PXDN: variants seen among roughly 807,000 people sequenced by gnomAD.
The protein encoded by PXDN is peroxidasin, also known as peroxidasin homolog.
A neutral mutation model predicts 140.3 loss-of-function variants in PXDN; 77 were observed. The observed-to-expected ratio is 0.55, with a 90% CI of 0.46 to 0.66. The LOEUF is 0.66. PXDN is among the 30% of genes least tolerant of loss of function. PXDN has a pLI of 0.00. For missense variants in PXDN, 1,838 were observed against 2,039.5 expected (o/e 0.90, Z 1.90); for synonymous variants, 911 against 857.4 (o/e 1.06, Z -1.09).
rs1457099781 is a variant in PXDN at position 1,663,653 on chromosome 2, T to C, written c.1519A>G (p.Ile507Val). Residue 507 changes from isoleucine (I) to valine (V), a missense_variant, in exon 12 of 23, where the codon ATC becomes GTC. Ile to Val is a conservative substitution (Grantham distance 29). Around this residue, in one of 5 missense-constraint regions of PXDN, gnomAD observed 537 missense variants for 583.9 expected, o/e 0.92. Transcript: ENST00000252804. ...QGQYECQAVN[I>V]IGSQKVVAHL... ...GCCACGACCTTCTGGGAGCCGATGA[T>C]GTTGACAGCCTGGCATTCGTACTGG... 5 of 1,613,930 alleles carry C rather than the reference T, an allele frequency of 3.1e-6. No homozygotes were observed. Among genetic ancestry groups the C allele is most frequent in the East Asian group, 2.2e-5 (1 of 44,890 alleles).
At chr2:1,664,583 C>T (rs899798962) in intron 11 of PXDN, 16 of 197,010 alleles carry the variant, frequency 8.1e-5, no homozygotes, top group African/African-American at 3.7e-4. Flanking sequence ...ATATATTCCT[C>T]GACTGTTTCC....
At chr2:1,686,194 C>T (rs1445293247) in intron 4 of PXDN, among the ~76,000 whole-genome samples, 1 of 152,188 alleles carries the variant, frequency 6.6e-6, no homozygotes, top group African/African-American at 2.4e-5. Context: ...CTCGCTTATC[C>T]CCTCCCCAAC....
chr2:1,723,141 G>A (rs1394962430), intron 1 of PXDN, among the ~76,000 whole-genome samples: 2 of 152,144 alleles, frequency 1.3e-5, no homozygotes, highest in African/African-American at 4.8e-5. Flanking sequence ...TGGATACATT[G>A]ATGGATGGCT....
In PXDN at chr2:1,692,463, C is replaced by T. The variant is rs1041858761; in HGVS notation, c.273-464G>A. On this transcript the variant is annotated intron_variant, in intron 2 of 22. Transcript: ENST00000252804. ...GGGGTGAGAGACCCCGGGCCACTTG[C>T]CCTCCAGGGTCAACAGTGGATAGGC... 1.1e-5 allele frequency: 5 copies of T among 470,990 alleles called. No individual in the cohort carries two copies. In the Admixed American group the frequency reaches 1.2e-4, roughly 11 times the overall value. 29.2% of individuals were successfully genotyped at this position (470,990 alleles called of 1,614,324 possible). A position where few individuals can be genotyped will look rare whatever the true frequency, so the allele number is the denominator to read the frequency against.
intron 9 of PXDN, among the ~76,000 whole-genome samples, chr2:1,667,059 G>A (rs1683461064): frequency 6.6e-6 from 1 of 152,154 alleles, no homozygotes; most frequent in Non-Finnish European, 1.5e-5. Context: ...CCCACCTGCA[G>A]GGACGTGGCC....
At chr2:1,676,054 C>T (rs2125436572) in intron 8 of PXDN, among the ~76,000 whole-genome samples, 1 of 152,178 alleles carries the variant, frequency 6.6e-6, no homozygotes, top group East Asian at 1.9e-4. Context: ...TGCTCCACTC[C>T]AACTTAGGAC....
chr2:1,651,150 A>C lies in PXDN; in HGVS notation c.2105-1475T>G, dbSNP rs1011477658. Among the ~76,000 whole-genome samples the C allele has an allele frequency of 3.3e-5, 5 of 152,014 alleles. No homozygotes were observed. The highest frequency in any genetic ancestry group is 1.2e-4 in the African/African-American group (5 of 41,396). ...AACATCTGGCCCTATTTTCACAGCT[A>C]CTCTTGGGAAGTCCTACAGAATTAT... On this transcript the variant is annotated intron_variant, in intron 16 of 22. Coordinates refer to ENST00000252804, the MANE Select transcript of PXDN (RefSeq NM_012293.3). This position sits in a 1 kb window ranked among gnomAD's most constrained non-coding sequence, Gnocchi z 4.4.
At position 1,648,554 on chromosome 2, in the gene PXDN, G is replaced by A. The variant is rs774783896; in HGVS notation, c.3226C>T (p.Leu1076Phe). The change falls in exon 17 of 23, where the codon CTT becomes TTT. Residue 1076 changes from leucine (L) to phenylalanine (F), a missense_variant. Around this residue, in one of 5 missense-constraint regions of PXDN, gnomAD observed 850 missense variants for 894.1 expected, o/e 0.95. Transcript: ENST00000252804. This position sits in a 1 kb window ranked among gnomAD's most constrained non-coding sequence, Gnocchi z 8.9. ...ATAAFRFGHT[L>F]VNPLLYRLDE... ...AGCCGGTAAAGCAGTGGGTTGACAA[G>A]CGTGTGGCCAAACCTGAAGGCCGCG... 3 of 1,613,772 alleles carry A rather than the reference G, an allele frequency of 1.9e-6. No individual in the cohort carries two copies. Among genetic ancestry groups the A allele is most frequent in the Non-Finnish European group, 2.5e-6 (3 of 1,179,900 alleles).
At chr2:1,707,654 G>T (rs1384459603) in intron 1 of PXDN, among the ~76,000 whole-genome samples, 1 of 152,216 alleles carries the variant, frequency 6.6e-6, no homozygotes, top group African/African-American at 2.4e-5. Context: ...AGCTGTCAAA[G>T]ACGCAATAAC....
At chr2:1,738,674 G>A (rs982043668) in intron 1 of PXDN, among the ~76,000 whole-genome samples, 5 of 151,816 alleles carry the variant, frequency 3.3e-5, no homozygotes, top group South Asian at 2.1e-4. Flanking sequence ...TCAGCCTCCC[G>A]AGTAGCTGTG....
Position 1,648,295 on chromosome 2 carries a change from C to A in PXDN, c.3485G>T (p.Gly1162Val). 6.2e-7 allele frequency: 1 copy of A among 1,613,928 alleles called. No individual in the cohort carries two copies. Among genetic ancestry groups the A allele is most frequent in the Non-Finnish European group, 8.5e-7 (1 of 1,179,882 alleles). Residue 1162 changes from glycine to valine, a missense_variant, in exon 17 of 23, where the codon GGC (glycine) becomes GTC (valine). Transcript: ENST00000252804. This position sits in a 1 kb window ranked among gnomAD's most constrained non-coding sequence, Gnocchi z 8.9. ...GTAGGGTGGGATCCCGTGGTCCCGGCCCCGCTGGATGTTGATGGCCGCCAG... is the reference window on the plus strand; with the variant it reads ...GTAGGGTGGGATCCCGTGGTCCCGGACCCGCTGGATGTTGATGGCCGCCAG... ...LDLAAINIQR[G>V]RDHGIPPYHD...
At chr2:1,716,104 T>A (rs4853763) in intron 1 of PXDN, among the ~76,000 whole-genome samples, 10 of 152,142 alleles carry the variant, frequency 6.6e-5, no homozygotes, top group Admixed American at 6.5e-4. Context: ...CCTGGACAGA[T>A]GCCTGGGCCT....
chr2:1,699,242 T>C (rs72629191), intron 1 of PXDN, among the ~76,000 whole-genome samples: 11,547 of 152,270 alleles, frequency 0.076, 634 homozygotes, highest in East Asian at 0.3. Context: ...GACCACTTGG[T>C]AATGCTTAAT....
chr2:1,734,421 G>A (rs1349050571), intron 1 of PXDN, among the ~76,000 whole-genome samples: 2 of 152,182 alleles, frequency 1.3e-5, no homozygotes, highest in African/African-American at 4.8e-5. Flanking sequence ...TCAGGGTGGT[G>A]GCTGCTGAAG....
chr2:1,696,885 GGGCA>G (rs1184467650), intron 1 of PXDN, among the ~76,000 whole-genome samples: 1 of 152,144 alleles, frequency 6.6e-6, no homozygotes, highest in East Asian at 1.9e-4. Context: ...GACAAGCTCA[GGGCA>G]AGAAGACACC....
At chr2:1,642,289 A>G (rs1682746619) in intron 19 of PXDN, among the ~76,000 whole-genome samples, 1 of 152,186 alleles carries the variant, frequency 6.6e-6, no homozygotes, top group Non-Finnish European at 1.5e-5. Context: ...GCACTCTCTT[A>G]GAAGAAGCTG....
chr2:1,661,320 A>G (rs1383056330), intron 13 of PXDN, among the ~76,000 whole-genome samples: 4 of 152,206 alleles, frequency 2.6e-5, no homozygotes, highest in African/African-American at 9.6e-5. Context: ...AGAGGCACCA[A>G]TGATGGCTCC....
chr2:1,711,502 A>C (rs1300630264), intron 1 of PXDN, among the ~76,000 whole-genome samples: 2 of 61,634 alleles, frequency 3.2e-5, no homozygotes, highest in African/African-American at 8.5e-5. Flanking sequence ...ACCAGCACCC[A>C]CTCTCCACCA....
chr2:1,649,690 A>G lies in PXDN; in HGVS notation c.2105-15T>C. 1 of 1,613,302 alleles carries G rather than the reference A, an allele frequency of 6.2e-7. No homozygotes were observed. The highest frequency in any genetic ancestry group is 8.5e-7 in the Non-Finnish European group (1 of 1,179,540). The stretch of plus-strand genomic sequence containing the variant: ...GTAGTGGTAACCTGGGACGTGGAGA[A>G]AAGCAAGACGCACTCAATTCCCCTG... On this transcript the variant is annotated splice_polypyrimidine_tract_variant and intron_variant, in intron 16 of 22. Transcript: ENST00000252804. This position sits in a 1 kb window ranked among gnomAD's most constrained non-coding sequence, Gnocchi z 7.1.
Sources: gnomAD v4.1 joint callset for allele counts (sites outside exome capture counted in the v4.1 genomes callset) on GRCh38, gnomAD v4.1.1 for gene constraint, gnomAD v4.1.1 regional missense constraint, Gnocchi (gnomAD v3.1) non-coding constraint, MANE v1.5 for transcripts, NCBI Gene and HGNC (gene_info 2026-07-23, HGNC 2026-07-21) for gene names.